CASD1: variants seen among roughly 807,000 people sequenced by gnomAD.
CASD1 encodes N-acetylneuraminate (7)9-O-acetyltransferase.
CASD1 carries 41 observed loss-of-function variants against 100.0 expected under a neutral mutation model. That is an observed-to-expected ratio of 0.41 (90% CI 0.32 to 0.53). CASD1 has a LOEUF of 0.53. Ranked by LOEUF, CASD1 falls within the 20% of genes least tolerant of loss-of-function variation. The pLI is 0.25. For synonymous variants in CASD1, 321 were observed against 315.6 expected (o/e 1.02, Z -0.18); for missense variants, 774 against 948.7 (o/e 0.82, Z 2.42).
intron 10 of CASD1, 101 bp from the exon 11 acceptor site, chr7:94,544,310 T>C (rs1330686006): frequency 7.2e-7 from 1 of 1,394,272 alleles, no homozygotes; most frequent in African/African-American, 1.5e-5. Flanking sequence ...TGATGCCAAA[T>C]GCTAATAATC....
At chr7:94,610,762 AG>A in the CASD1 span, among the ~76,000 whole-genome samples, 1 of 152,356 alleles carries the variant, frequency 6.6e-6, no homozygotes, top group African/African-American at 2.4e-5. Flanking sequence ...TATTTAATAA[AG>A]GACTTGTATA....
the CASD1 span, chr7:94,584,836 T>G: frequency 4.6e-5 from 7 of 152,266 alleles, no homozygotes; most frequent in African/African-American, 1.7e-4. Flanking sequence ...CCTGTCTTGC[T>G]TCTAGATCCA....
At chr7:94,607,041 T>TC in the CASD1 span, among the ~76,000 whole-genome samples, 231 of 149,132 alleles carry the variant, frequency 1.5e-3, 1 homozygote, top group African/African-American at 5.1e-3. Flanking sequence ...AATTGAAACC[T>TC]CCCCCTCAGG....
At chr7:94,567,757 A>G in the CASD1 span, among the ~76,000 whole-genome samples, 1 of 152,184 alleles carries the variant, frequency 6.6e-6, no homozygotes, top group African/African-American at 2.4e-5. Context: ...TAGATGGTTC[A>G]AAAATAAAAT....
At chr7:94,525,613 T>C (rs1197814775) in intron 3 of CASD1, among the ~76,000 whole-genome samples, 1 of 152,248 alleles carries the variant, frequency 6.6e-6, no homozygotes, top group Non-Finnish European at 1.5e-5. Context: ...GTTCATGACA[T>C]TATTTTTCTG....
At chr7:94,566,910 A>G in the CASD1 span, among the ~76,000 whole-genome samples, 1 of 152,150 alleles carries the variant, frequency 6.6e-6, no homozygotes, top group Non-Finnish European at 1.5e-5. Flanking sequence ...ATGGTGTGGC[A>G]GTATGATGGC....
chr7:94,528,330 C>A, intron 5 of CASD1, 80 bp downstream of exon 5: 1 of 955,816 alleles, frequency 1.0e-6, no homozygotes. Flanking sequence ...TCCCTTTACT[C>A]ACTTGTCCCA....
At chr7:94,541,311 G>T (rs930792589) in intron 10 of CASD1, among the ~76,000 whole-genome samples, 1 of 151,424 alleles carries the variant, frequency 6.6e-6, no homozygotes, top group Middle Eastern at 3.2e-3. Flanking sequence ...TTTTTATTTT[G>T]AATAAAATAT....
In CASD1 at chr7:94,555,644, A is replaced by ACAGAT; in HGVS notation, c.2281_2285dup (p.Ile763ArgfsTer12). 6.2e-7 allele frequency: 1 copy of ACAGAT among 1,613,466 alleles called. No homozygotes were observed. The highest frequency in any genetic ancestry group is 8.5e-7 in the Non-Finnish European group (1 of 1,179,598). On this transcript the variant is annotated frameshift_variant, in exon 18 of 18. Transcript: ENST00000297273. LOFTEE classifies it high-confidence loss of function. ...TTTCTCAGATCACTAATGATCTTGCACAGATTATTATTCCTAAAGATAACT... is the reference window on the plus strand; with the variant it reads ...TTTCTCAGATCACTAATGATCTTGCACAGATCAGATTATTATTCCTAAAGATAACT...
intron 13 of CASD1, among the ~76,000 whole-genome samples, chr7:94,548,823 C>G (rs1795807498): frequency 6.6e-6 from 1 of 151,782 alleles, no homozygotes; most frequent in African/African-American, 2.4e-5. Flanking sequence ...GTTTTGTTCT[C>G]TTCTTTGAAA....
At chr7:94,595,530 A>G in the CASD1 span, among the ~76,000 whole-genome samples, 1 of 152,120 alleles carries the variant, frequency 6.6e-6, no homozygotes, top group African/African-American at 2.4e-5. Context: ...GTAAATTAAT[A>G]AGTACAAGAC....
intron 3 of CASD1, 63 bp from the exon 4 acceptor site, chr7:94,527,099 T>TG: frequency 8.1e-7 from 1 of 1,232,890 alleles, no homozygotes; most frequent in Non-Finnish European, 1.2e-6. Flanking sequence ...AGCAGCTAAA[T>TG]GGGGCATTTT....
intron 13 of CASD1, 57 bp from the exon 14 acceptor site, chr7:94,549,476 G>C: frequency 1.6e-6 from 2 of 1,227,544 alleles, no homozygotes; most frequent in Non-Finnish European, 2.3e-6. Context: ...TAATAGAATT[G>C]CAAAGCAAAT....
At chr7:94,604,455 A>G in the CASD1 span, among the ~76,000 whole-genome samples, 1 of 151,942 alleles carries the variant, frequency 6.6e-6, no homozygotes, top group African/African-American at 2.4e-5. Context: ...AGGAAAAACA[A>G]ATTTGGAAAA....
chr7:94,623,358 G>A, the CASD1 span: 1 of 1,605,084 alleles, frequency 6.2e-7, no homozygotes, highest in Non-Finnish European at 8.5e-7. Context: ...ATCAAATTAT[G>A]CCTTGCAGTC....
the CASD1 span, chr7:94,625,673 T>A: frequency 9.9e-5 from 15 of 152,278 alleles, 1 homozygote; most frequent in South Asian, 1.9e-3. Flanking sequence ...TACTTTTTTT[T>A]AATTGAACAT....
Position 94,537,563 on chromosome 7 carries a change from T to A in CASD1, c.935T>A (p.Ile312Lys), listed in dbSNP as rs1191941151. ...CAACCTCGGCCTCCTGTTACTCTCA[T>A]ACAGAAGCTAGCTGCTTGTTTTTTC... ...CCQPRPPVTLIQKLAACFFTL... is the reference protein window; with the variant it reads ...CCQPRPPVTLKQKLAACFFTL... Residue 312 changes from isoleucine (I) to lysine (K), a missense_variant, in exon 9 of 18, where the codon ATA becomes AAA. Ile to Lys is a moderately radical substitution (Grantham distance 102). Around this residue, in one of 5 missense-constraint regions of CASD1, gnomAD observed 453 missense variants for 532.6 expected, o/e 0.85. Transcript: ENST00000297273. The A allele has an allele frequency of 3.1e-6, 5 of 1,613,830 alleles. No individual in the cohort carries two copies. In the African/African-American group the frequency reaches 4.0e-5, roughly 13 times the overall value.
chr7:94,629,006 A>G, the CASD1 span: 1 of 152,490 alleles, frequency 6.6e-6, no homozygotes, highest in Non-Finnish European at 1.5e-5. Flanking sequence ...TTTCAGGTAC[A>G]GTATTCATCA....
chr7:94,568,771 T>TCC, the CASD1 span, among the ~76,000 whole-genome samples: 1 of 152,346 alleles, frequency 6.6e-6, no homozygotes, highest in Non-Finnish European at 1.5e-5. Flanking sequence ...TTATTGCCCT[T>TCC]ATAAAAGAAG....
Sources: allele counts gnomAD v4.1 joint callset (sites outside exome capture counted in the v4.1 genomes callset), GRCh38; gene constraint gnomAD v4.1.1; regional missense constraint gnomAD v4.1.1; transcripts MANE v1.5; gene names NCBI Gene and HGNC (gene_info 2026-07-23, HGNC 2026-07-21).